Variants in WDR89 observed in about 807,000 individuals in gnomAD.
WDR89 encodes WD repeat-containing protein 89.
In WDR89, 17 loss-of-function variants were observed where a neutral mutation model predicts 29.1. That is an observed-to-expected ratio of 0.58 (90% confidence interval 0.40 to 0.88). The LOEUF (loss-of-function observed/expected upper bound fraction) is 0.88, where lower values mean the gene tolerates loss of function less well. WDR89 is among the 40% of genes least tolerant of loss of function. The probability of loss-of-function intolerance (pLI) is 0.00; values close to 1 mark genes in which losing one functional copy is unlikely to be tolerated. For synonymous variants in WDR89, 138 were observed against 157.8 expected (o/e 0.87, Z 0.94); for missense variants, 396 against 456.3 (o/e 0.87, Z 1.20).
intron 2 of WDR89, chr14:63,617,958 TG>T (rs1007831638): frequency 6.6e-6 from 1 of 152,094 alleles, no homozygotes; most frequent in African/African-American, 2.4e-5. Flanking sequence ...CTACTTATTT[TG>T]GGGGGAGATA....
intron 1 of WDR89, among the ~76,000 whole-genome samples, chr14:63,636,091 C>G (rs1159632435): frequency 1.3e-5 from 2 of 152,118 alleles, no homozygotes; most frequent in Non-Finnish European, 2.9e-5. Flanking sequence ...CACCTGTAGT[C>G]CCAGCTACTT....
chr14:63,611,696 C>G (rs1006067482), intron 2 of WDR89, among the ~76,000 whole-genome samples: 2 of 151,196 alleles, frequency 1.3e-5, no homozygotes, highest in Admixed American at 1.3e-4. Context: ...CTAACATTAT[C>G]CCCCCCAAAA....
chr14:63,616,264 T>C lies in WDR89; in HGVS notation c.-32+8664A>G, dbSNP rs368953202. 7.9e-5 allele frequency among the ~76,000 whole-genome samples: 12 copies of C among 151,970 alleles called. 1 individual carries two copies. The highest frequency in any genetic ancestry group is 2.9e-4 in the African/African-American group (12 of 41,412). ...GGGTGACAGTGAGACTCTGTCTCAA[T>C]ACCAAAACCAAACCAAAGAAAAAAA... On this transcript the variant is annotated intron_variant, in intron 2 of 2. Coordinates refer to ENST00000620954, the MANE Select transcript of WDR89 (RefSeq NM_080666.4).
chr14:63,623,885 G>C (rs1882870470), intron 2 of WDR89, among the ~76,000 whole-genome samples: 1 of 151,724 alleles, frequency 6.6e-6, no homozygotes, highest in South Asian at 2.1e-4. Flanking sequence ...GCCATAGATA[G>C]GTTAAAAGGA....
At chr14:63,640,426 C>T (rs1302671287) in intron 1 of WDR89, among the ~76,000 whole-genome samples, 1 of 152,150 alleles carries the variant, frequency 6.6e-6, no homozygotes, top group African/African-American at 2.4e-5. Context: ...CGATGTCTTT[C>T]CTCTAGATCA....
chr14:63,600,717 C>CAAAAAAAAAAAAAAA (rs56059698), intron 2 of WDR89, among the ~76,000 whole-genome samples: 10 of 36,198 alleles, frequency 2.8e-4, no homozygotes, highest in African/African-American at 5.8e-4. Flanking sequence ...GATATGTAGG[C>CAAAAAAAAAAAAAAA]AAAAAAAAAA....
At chr14:63,639,321 A>T (rs1303986362) in intron 1 of WDR89, among the ~76,000 whole-genome samples, 1 of 143,482 alleles carries the variant, frequency 7.0e-6, no homozygotes, top group Non-Finnish European at 1.5e-5. Flanking sequence ...GGAGTTTGAG[A>T]CCCACCTGGG....
rs553854137 is a variant in WDR89, at chr14:63,609,564, G to A, written c.-31-9591C>T. Among the ~76,000 whole-genome samples, 8 of 152,232 alleles carry A rather than the reference G, an allele frequency of 5.3e-5. No homozygotes were observed. In the East Asian group the frequency reaches 1.4e-3, roughly 26 times the overall value. ...AGCACTTCGGGAAGCCGAGGCGGGC[G>A]GATCACCTGAGCCTCAGGAGTTGGA... On this transcript the variant is annotated intron_variant, in intron 2 of 2. Coordinates refer to ENST00000620954, the MANE Select transcript of WDR89 (RefSeq NM_080666.4).
intron 2 of WDR89, among the ~76,000 whole-genome samples, chr14:63,610,240 A>AAAAAC (rs1881875452): frequency 6.6e-6 from 1 of 151,330 alleles, no homozygotes; most frequent in African/African-American, 2.4e-5. Context: ...AAAAAAAAAA[A>AAAAAC]AAAACTCTTG....
chr14:63,621,371 G>A lies in WDR89; in HGVS notation c.-32+3557C>T, dbSNP rs151334558. On this transcript the variant is annotated intron_variant, in intron 2 of 2. Transcript: ENST00000620954. Reference sequence around the variant, plus strand: ...GCAGCACTTTGGGAGGCTGAGGCAGGTGGATCACCTGAGGTCAGGAGTTCG... The same window carrying A: ...GCAGCACTTTGGGAGGCTGAGGCAGATGGATCACCTGAGGTCAGGAGTTCG... 3.6e-3 allele frequency among the ~76,000 whole-genome samples: 555 copies of A among 152,206 alleles called. 2 individuals are homozygous for A. The highest frequency in any genetic ancestry group is 0.013 in the African/African-American group (533 of 41,552).
In WDR89 at chr14:63,603,263, TACAC is replaced by T. The variant is rs111304246; in HGVS notation, c.-31-3294_-31-3291del. Among the ~76,000 whole-genome samples the T allele has an allele frequency of 7.3e-5, 11 of 149,698 alleles. No homozygotes were observed. In the South Asian group the frequency reaches 1.7e-3, roughly 23 times the overall value. ...TCTTGCCACATTTGCTTTCTCTCTC[TACAC>T]ACACACACACACACACACCCCACTG... On this transcript the variant is annotated intron_variant, in intron 2 of 2. Coordinates refer to ENST00000620954, the MANE Select transcript of WDR89 (RefSeq NM_080666.4).
chr14:63,624,721 T>C (rs1882923294), intron 2 of WDR89, among the ~76,000 whole-genome samples: 1 of 152,148 alleles, frequency 6.6e-6, no homozygotes, highest in Non-Finnish European at 1.5e-5. Flanking sequence ...AGCCCAATAA[T>C]ATTAGTCATC....
chr14:63,600,501 G>GA lies in WDR89; in HGVS notation c.-31-529dup, dbSNP rs765520127. On this transcript the variant is annotated intron_variant, in intron 2 of 2. Coordinates refer to ENST00000620954, the MANE Select transcript of WDR89 (RefSeq NM_080666.4). Reference sequence around the variant, plus strand: ...TAAAGTGAGATCCTGCCTCAAAAAAGAAAAAAAAAATGCTGAATTTACTAT... The same window carrying GA: ...TAAAGTGAGATCCTGCCTCAAAAAAGAAAAAAAAAAATGCTGAATTTACTAT... Among the ~76,000 whole-genome samples the GA allele has an allele frequency of 6.6e-3, 958 of 144,814 alleles. 6 individuals carry two copies. The highest frequency in any genetic ancestry group is 0.021 in the African/African-American group (849 of 39,702).
rs552689908 is a variant in WDR89 at position 63,607,195 on chromosome 14, C to T, written c.-31-7222G>A. 9.2e-5 allele frequency among the ~76,000 whole-genome samples: 14 copies of T among 152,214 alleles called. No homozygotes were observed. The South Asian group carries it at 2.1e-3, about 23-fold the overall frequency. ...AACTTTTTTTTGAGACGGAGTCTTG[C>T]TCTGTTGCCCAGGCTGGACTGCAGT... On this transcript the variant is annotated intron_variant, in intron 2 of 2. Coordinates refer to ENST00000620954, the MANE Select transcript of WDR89 (RefSeq NM_080666.4).
intron 2 of WDR89, among the ~76,000 whole-genome samples, chr14:63,604,858 G>A (rs1474808777): frequency 6.6e-6 from 1 of 152,146 alleles, no homozygotes; most frequent in Non-Finnish European, 1.5e-5. Flanking sequence ...TTATAATGGA[G>A]GCCAGGTGTG....
intron 2 of WDR89, among the ~76,000 whole-genome samples, chr14:63,623,703 C>CAAA (rs34839479): frequency 0.032 from 1,241 of 39,100 alleles, 120 homozygotes; most frequent in Middle Eastern, 0.12. Context: ...GACTCTGTCT[C>CAAA]AAAAAAAAAA....
Position 63,599,210 on chromosome 14 carries a change from CCCA to C in WDR89, c.730_732del (p.Trp244del), listed in dbSNP as rs1413663028. ...TCATCAGTGTCCAGATGATTAAGAT[CCCA>C]CCAATAAAATCCTTCATCATGTGTC... On this transcript the variant is annotated inframe_deletion, in exon 3 of 3. Coordinates refer to ENST00000620954, the MANE Select transcript of WDR89 (RefSeq NM_080666.4). 3.7e-6 allele frequency: 6 copies of C among 1,605,348 alleles called. No homozygotes were observed. In the South Asian group the frequency reaches 5.6e-5, roughly 15 times the overall value.
In WDR89 at chr14:63,601,457, A is replaced by G; in HGVS notation, c.-31-1484T>C. On this transcript the variant is annotated intron_variant, in intron 2 of 2. Transcript: ENST00000620954. ...AAAAACATGCATGCCTAGTAACACT[A>G]TAATAAATTCTTGACACTAGAGCAG... 1.7e-5 allele frequency: 18 copies of G among 1,076,236 alleles called. No individual in the cohort carries two copies. In the South Asian group the frequency reaches 2.1e-4, roughly 13 times the overall value. 66.7% of individuals were successfully genotyped at this position (1,076,236 alleles called of 1,614,324 possible).
At chr14:63,624,058 AGGG>A (rs1325240915) in intron 2 of WDR89, among the ~76,000 whole-genome samples, 2 of 152,228 alleles carry the variant, frequency 1.3e-5, no homozygotes, top group Non-Finnish European at 2.9e-5. Context: ...AAGAGAAAAA[AGGG>A]AATCTATGAC....
Sources: allele counts gnomAD v4.1 joint callset (sites outside exome capture counted in the v4.1 genomes callset), GRCh38; gene constraint gnomAD v4.1.1; transcripts MANE v1.5; gene names NCBI Gene and HGNC (gene_info 2026-07-23, HGNC 2026-07-21).